The following CFAP20DC variants were observed in gnomAD, a reference collection of about 807,000 sequenced individuals.
CFAP20DC encodes CFAP20 domain containing, also known as protein CFAP20DC.
A neutral mutation model predicts 101.7 loss-of-function variants in CFAP20DC; 84 were observed. The ratio of observed to expected loss-of-function variants is 0.83; its 90% CI spans 0.69 to 0.99. The LOEUF (loss-of-function observed/expected upper bound fraction) is 0.99, where lower values mean the gene tolerates loss of function less well. Among genes scored for constraint, CFAP20DC ranks in the 50% least tolerant of loss-of-function variants. The probability of loss-of-function intolerance (pLI) is 0.00; values close to 1 mark genes in which losing one functional copy is unlikely to be tolerated. For missense variants in CFAP20DC, 1,007 were observed against 970.3 expected (o/e 1.04, Z -0.50); for synonymous variants, 359 against 351.2 (o/e 1.02, Z -0.25).
chr3:59,019,143 A>G (rs2093750862), intron 4 of CFAP20DC: 1 of 152,160 alleles, frequency 6.6e-6, no homozygotes, highest in African/African-American at 2.4e-5. Context: ...TCAAACCATA[A>G]GTGTTATTTT....
intron 15 of CFAP20DC, among the ~76,000 whole-genome samples, chr3:58,770,602 G>C (rs897493486): frequency 6.6e-6 from 1 of 152,220 alleles, no homozygotes; most frequent in Non-Finnish European, 1.5e-5. Context: ...AGAAGGAACA[G>C]CATGAAGTAC....
intron 6 of CFAP20DC, among the ~76,000 whole-genome samples, chr3:58,893,769 C>CTT (rs928083578): frequency 7.2e-6 from 1 of 139,032 alleles, no homozygotes; most frequent in African/African-American, 2.6e-5. Flanking sequence ...TGTTCCTGGG[C>CTT]TTTTTTTTTT....
At position 58,801,608 on chromosome 3, in the gene CFAP20DC, C is replaced by T. The variant is rs557434944; in HGVS notation, c.2237+4787G>A. Among the ~76,000 whole-genome samples the T allele has an allele frequency of 4.7e-4, 71 of 151,800 alleles. 1 individual carries two copies. The highest frequency in any genetic ancestry group is 1.7e-3 in the African/African-American group (69 of 41,402). ...AGAAGAGATGCCCATCAGGTTGCAT[C>T]GTGACAACTGGAGAGGAAAAAAAAA... On this transcript the variant is annotated intron_variant, in intron 15 of 16. Transcript: ENST00000482387.
At chr3:58,963,616 G>GT (rs1157248516) in intron 4 of CFAP20DC, among the ~76,000 whole-genome samples, 1 of 151,866 alleles carries the variant, frequency 6.6e-6, no homozygotes. Context: ...AAGAACCACT[G>GT]TTTTTTTAAT....
In CFAP20DC at chr3:58,853,291, T is replaced by A. The variant is rs549523898; in HGVS notation, c.1594-3882A>T. ...CTCCCAAGACTAAACCAGGAAGAAG[T>A]TGAATCTCTGAATAGACCAATAACA... On this transcript the variant is annotated intron_variant, in intron 12 of 16. Transcript: ENST00000482387. Among the ~76,000 whole-genome samples the A allele has an allele frequency of 2.1e-3, 319 of 149,810 alleles. 3 individuals carry two copies. Among genetic ancestry groups the A allele is most frequent in the African/African-American group, 7.7e-3 (312 of 40,720 alleles).
rs879475100 is a variant in CFAP20DC at position 58,822,587 on chromosome 3, TA to T, written c.2175+9098del. Reference sequence around the variant, plus strand: ...ATGTACCCTAAAACTTAAAGTATAATAAAAAAAAAAAAGACTATACAGACTG... The same window carrying T: ...ATGTACCCTAAAACTTAAAGTATAATAAAAAAAAAAAGACTATACAGACTG... On this transcript the variant is annotated intron_variant, in intron 14 of 16. Transcript: ENST00000482387. 3.9e-3 allele frequency among the ~76,000 whole-genome samples: 539 copies of T among 138,440 alleles called. 1 individual carries two copies. The highest frequency in any genetic ancestry group is 7.7e-3 in the South Asian group (34 of 4,396). 90.8% of individuals were successfully genotyped at this position (138,440 alleles called of 152,430 possible).
chr3:58,989,499 C>T (rs997148125), intron 4 of CFAP20DC, among the ~76,000 whole-genome samples: 9 of 151,964 alleles, frequency 5.9e-5, no homozygotes. Flanking sequence ...TAGTTCATGA[C>T]CAAAGATTTC....
At position 59,016,164 on chromosome 3, in the gene CFAP20DC, GTA is replaced by G. The variant is rs1418707922; in HGVS notation, c.278+23391_278+23392del. 3.9e-5 allele frequency among the ~76,000 whole-genome samples: 6 copies of G among 152,182 alleles called. No homozygotes were observed. In the East Asian group the frequency reaches 1.2e-3, roughly 29 times the overall value. The stretch of plus-strand genomic sequence containing the variant: ...TGAATGAATGAATAAAGAAAATGTG[GTA>G]TATATACACAATGGAATACTATCCA... On this transcript the variant is annotated intron_variant, in intron 4 of 16. Transcript: ENST00000482387.
chr3:58,962,086 T>C (rs1349024292), intron 4 of CFAP20DC, among the ~76,000 whole-genome samples: 4 of 152,228 alleles, frequency 2.6e-5, no homozygotes, highest in Admixed American at 2.6e-4. Flanking sequence ...CTTTCTAGTT[T>C]CTTAGGGTGG....
intron 16 of CFAP20DC, among the ~76,000 whole-genome samples, chr3:58,748,182 C>G (rs2107197252): frequency 6.6e-6 from 1 of 152,228 alleles, no homozygotes; most frequent in East Asian, 1.9e-4. Flanking sequence ...GTTTACAACT[C>G]TAAACGCACT....
intron 15 of CFAP20DC, among the ~76,000 whole-genome samples, chr3:58,783,762 CAGAATGGCTATTACTAAAAAAACA>C (rs1270980604): frequency 1.3e-5 from 2 of 151,946 alleles, no homozygotes; most frequent in Admixed American, 6.6e-5. Context: ...TGACCCCAGT[CAGAATGGCTATTACTAAAAAAACA>C]AAACAAAACA....
chr3:58,747,556 G>A (rs747169191), intron 16 of CFAP20DC, among the ~76,000 whole-genome samples: 17 of 152,050 alleles, frequency 1.1e-4, no homozygotes, highest in African/African-American at 3.6e-4. Context: ...TGACACTGCC[G>A]TCTACATTTT....
chr3:58,849,776 A>G (rs2078060677), intron 12 of CFAP20DC, among the ~76,000 whole-genome samples: 1 of 152,166 alleles, frequency 6.6e-6, no homozygotes. Context: ...TGACTTTCTG[A>G]TAAGTTAACT....
chr3:58,977,522 T>C (rs1374738998), intron 4 of CFAP20DC, among the ~76,000 whole-genome samples: 1 of 152,122 alleles, frequency 6.6e-6, no homozygotes, highest in Admixed American at 6.5e-5. Context: ...CAGGAAGCTA[T>C]AGTGCATGTG....
rs1184014970 is a variant in CFAP20DC, at chr3:58,861,552, A to G, written c.1593+2006T>C. The stretch of plus-strand genomic sequence containing the variant: ...ACCAAAAGTACAAAAGAAAAAATCC[A>G]ATTTTGTTAAGAAGGTATCATTACA... On this transcript the variant is annotated intron_variant, in intron 12 of 16. Coordinates refer to ENST00000482387, the MANE Select transcript of CFAP20DC (RefSeq NM_001394063.1). The surrounding 1 kb of genome is among the most constrained non-coding windows in gnomAD (Gnocchi z 4.0). 3.0e-6 allele frequency: 3 copies of G among 983,624 alleles called. No individual in the cohort carries two copies. The allele number at this position is 983,624 out of a possible 1,614,324, so 60.9% of individuals were successfully genotyped here.
At chr3:58,857,630 C>T (rs1018086322) in intron 12 of CFAP20DC, among the ~76,000 whole-genome samples, 5 of 152,090 alleles carry the variant, frequency 3.3e-5, no homozygotes, top group Non-Finnish European at 5.9e-5. Flanking sequence ...GCTTGTTTGC[C>T]TTGGCTGCCC....
chr3:58,875,068 T>A lies in CFAP20DC; in HGVS notation c.716-4759A>T, dbSNP rs548903511. ...GGAAGACTAGGCAGGTCTGGGCAAC[T>A]CCAGGACGTGAGGGATGAGAGAGAA... On this transcript the variant is annotated intron_variant, in intron 7 of 16. Coordinates refer to ENST00000482387, the MANE Select transcript of CFAP20DC (RefSeq NM_001394063.1). Among the ~76,000 whole-genome samples, 78 of 152,282 alleles carry A rather than the reference T, an allele frequency of 5.1e-4. 1 individual carries two copies. Among genetic ancestry groups the A allele is most frequent in the African/African-American group, 1.9e-3 (77 of 41,548 alleles).
At chr3:58,840,941 T>C (rs2077059433) in intron 13 of CFAP20DC, among the ~76,000 whole-genome samples, 1 of 152,240 alleles carries the variant, frequency 6.6e-6, no homozygotes, top group Non-Finnish European at 1.5e-5. Context: ...CAGGCCTGTC[T>C]GATTCCAGCT....
downstream of CFAP20DC, among the ~76,000 whole-genome samples, chr3:58,716,776 C>A (rs2107034904): frequency 6.6e-6 from 1 of 152,268 alleles, no homozygotes; most frequent in Admixed American, 6.5e-5. Context: ...CAACTCCCTA[C>A]TGGGGATCCT....
Sources: gnomAD v4.1 joint callset for allele counts (sites outside exome capture counted in the v4.1 genomes callset) on GRCh38, gnomAD v4.1.1 for gene constraint, Gnocchi (gnomAD v3.1) non-coding constraint, MANE v1.5 for transcripts, NCBI Gene and HGNC (gene_info 2026-07-23, HGNC 2026-07-21) for gene names.